The following SYNPO2 variants were observed in gnomAD, a reference collection of about 807,000 sequenced individuals.
SYNPO2 encodes synaptopodin-2.
A neutral mutation model predicts 85.0 loss-of-function variants in SYNPO2; 56 were observed. The observed-to-expected ratio is 0.66, with a 90% CI of 0.53 to 0.82. SYNPO2 has a LOEUF of 0.82. Ranked by LOEUF, SYNPO2 falls within the 40% of genes least tolerant of loss-of-function variation. SYNPO2 has a pLI of 0.00. For missense variants in SYNPO2, 1,575 were observed against 1,534.2 expected (o/e 1.03, Z -0.44); for synonymous variants, 602 against 591.1 (o/e 1.02, Z -0.27).
At chr4:118,942,374 T>G (rs1285614283) in intron 1 of SYNPO2, among the ~76,000 whole-genome samples, 3 of 152,210 alleles carry the variant, frequency 2.0e-5, no homozygotes, top group Non-Finnish European at 2.9e-5. Flanking sequence ...ATGGGGTCTC[T>G]GGCACTTGGT....
At chr4:118,980,512 TC>T (rs1735964845) in intron 1 of SYNPO2, among the ~76,000 whole-genome samples, 1 of 151,916 alleles carries the variant, frequency 6.6e-6, no homozygotes, top group Admixed American at 6.6e-5. Context: ...TTTCCCCCCT[TC>T]CCCAGCACAC....
intron 1 of SYNPO2, among the ~76,000 whole-genome samples, chr4:118,882,439 A>T (rs1288155495): frequency 6.6e-6 from 1 of 152,236 alleles, no homozygotes; most frequent in Non-Finnish European, 1.5e-5. Flanking sequence ...TGCGATATTT[A>T]TTAAAAAACA....
intron 1 of SYNPO2, among the ~76,000 whole-genome samples, chr4:118,900,703 C>CTCTCTCTATATATATATATA (rs1277981772): frequency 2.1e-4 from 9 of 43,878 alleles, no homozygotes; most frequent in Non-Finnish European, 3.6e-4. Flanking sequence ...CTCTCTCTCT[C>CTCTCTCTATATATATATATA]TATATATATA....
At chr4:118,952,761 G>C (rs1734743139) in intron 1 of SYNPO2, among the ~76,000 whole-genome samples, 1 of 152,000 alleles carries the variant, frequency 6.6e-6, no homozygotes, top group Non-Finnish European at 1.5e-5. Context: ...CAAAAATGAG[G>C]ATTTGCTCTC....
At chr4:118,980,964 T>C (rs1161965511) in intron 1 of SYNPO2, among the ~76,000 whole-genome samples, 1 of 152,236 alleles carries the variant, frequency 6.6e-6, no homozygotes, top group Non-Finnish European at 1.5e-5. Flanking sequence ...GTGGCAGAGC[T>C]GATTCTCAAT....
intron 1 of SYNPO2, among the ~76,000 whole-genome samples, chr4:118,979,461 CTTG>C: frequency 6.6e-6 from 1 of 152,308 alleles, no homozygotes; most frequent in East Asian, 1.9e-4. Flanking sequence ...ATACTACCAT[CTTG>C]TTTATCAAGT....
chr4:118,955,248 C>G (rs1239706531), intron 1 of SYNPO2, among the ~76,000 whole-genome samples: 2 of 152,140 alleles, frequency 1.3e-5, no homozygotes, highest in Non-Finnish European at 2.9e-5. Context: ...AATCCACCCT[C>G]CTGGGCCTCC....
chr4:118,871,840 A>G lies in SYNPO2; in HGVS notation c.12+20900A>G, dbSNP rs1445501720. ...CGCCTTGGCCTCCCAAAGTGCTGGG[A>G]TTACAGGCGTGAGCCACCGCACCTG... is the stretch of plus-strand genomic sequence containing the variant. On this transcript the variant is annotated intron_variant, in intron 1 of 4. Coordinates refer to the SYNPO2 transcript ENST00000610556. Among the ~76,000 whole-genome samples the G allele has an allele frequency of 7.9e-5, 12 of 152,318 alleles. No homozygotes were observed. The East Asian group carries it at 1.5e-3, about 20-fold the overall frequency.
intron 1 of SYNPO2, among the ~76,000 whole-genome samples, chr4:118,860,282 C>T (rs1406552866): frequency 2.0e-5 from 3 of 152,158 alleles, no homozygotes; most frequent in Admixed American, 6.5e-5. Context: ...CTCACTCTGT[C>T]GCCCAGGCTG....
Position 119,030,238 on chromosome 4 carries a change from C to T in SYNPO2, c.1463C>T (p.Thr488Ile). 6.2e-7 allele frequency: 1 copy of T among 1,614,000 alleles called. No individual in the cohort carries two copies. The highest frequency in any genetic ancestry group is 1.3e-5 in the African/African-American group (1 of 75,002). Residue 488 changes from threonine to isoleucine, a missense_variant, in exon 4 of 5, where the codon ACA becomes ATA. Transcript: ENST00000307142. ...AAGATGGAGATGTTACCAGACACCA[C>T]AGGCAAGGGAGCCCTCATGTTTGCC... is the stretch of plus-strand genomic sequence containing the variant. ...GDKMEMLPDT[T>I]GKGALMFAKR... is the part of the protein sequence containing the mutation.
chr4:118,912,107 C>A (rs573488371), intron 1 of SYNPO2, among the ~76,000 whole-genome samples: 37 of 152,278 alleles, frequency 2.4e-4, no homozygotes, highest in African/African-American at 8.4e-4. Context: ...AACCACTAGC[C>A]TTTAAAAAAT....
At chr4:118,861,608 C>T (rs192623895) in intron 1 of SYNPO2, among the ~76,000 whole-genome samples, 16 of 152,260 alleles carry the variant, frequency 1.1e-4, no homozygotes, top group African/African-American at 2.6e-4. Context: ...CTGTCCTTTC[C>T]CCAATGTATG....
intron 1 of SYNPO2, among the ~76,000 whole-genome samples, chr4:118,869,139 C>T (rs542885832): frequency 6.6e-6 from 1 of 152,168 alleles, no homozygotes; most frequent in Non-Finnish European, 1.5e-5. Context: ...TCACGGCAAC[C>T]TCCACCTCCC....
chr4:118,980,988 GCA>G (rs969722556), intron 1 of SYNPO2, among the ~76,000 whole-genome samples: 7 of 152,312 alleles, frequency 4.6e-5, no homozygotes, highest in African/African-American at 1.7e-4. Context: ...AAGTTACTAA[GCA>G]CAGTTTCCTT....
At chr4:118,967,057 AC>A (rs1166682117) in intron 1 of SYNPO2, among the ~76,000 whole-genome samples, 1 of 152,216 alleles carries the variant, frequency 6.6e-6, no homozygotes, top group African/African-American at 2.4e-5. Context: ...TAAATAGTTT[AC>A]AAAGATTAAT....
chr4:118,930,633 T>G (rs1431688672), intron 1 of SYNPO2, among the ~76,000 whole-genome samples: 5 of 151,368 alleles, frequency 3.3e-5, no homozygotes, highest in Non-Finnish European at 7.4e-5. Flanking sequence ...AAATAGCATA[T>G]GCTGGGTGAG....
chr4:118,950,380 GC>G (rs1560901510), intron 1 of SYNPO2, among the ~76,000 whole-genome samples: 2 of 152,228 alleles, frequency 1.3e-5, no homozygotes, highest in East Asian at 3.8e-4. Context: ...ACACAGGACA[GC>G]CCAGGGAAAC....
At chr4:119,014,737 A>G (rs1737462516) in intron 1 of SYNPO2, among the ~76,000 whole-genome samples, 1 of 152,190 alleles carries the variant, frequency 6.6e-6, no homozygotes, top group Non-Finnish European at 1.5e-5. Context: ...GATGGCCTAA[A>G]TGAAATTCCA....
chr4:119,038,381 A>AAT (rs397716268), intron 4 of SYNPO2: 1 of 984,674 alleles, frequency 1.0e-6, no homozygotes, highest in African/African-American at 1.8e-5. Context: ...AAAAAAAAAA[A>AAT]TGAAATTTAC....
Sources: gnomAD v4.1 joint callset for allele counts (sites outside exome capture counted in the v4.1 genomes callset) on GRCh38, gnomAD v4.1.1 for gene constraint, MANE v1.5 for transcripts, NCBI Gene and HGNC (gene_info 2026-07-23, HGNC 2026-07-21) for gene names.